The following ALPK1 variants were observed in gnomAD, a reference collection of about 807,000 sequenced individuals.
ALPK1 encodes alpha-protein kinase 1.
A neutral mutation model predicts 120.6 loss-of-function variants in ALPK1; 110 were observed. The observed-to-expected ratio is 0.91, with a 90% confidence interval of 0.78 to 1.07. The LOEUF (loss-of-function observed/expected upper bound fraction) is 1.07. Among genes scored for constraint, ALPK1 ranks in the 50% least tolerant of loss-of-function variants. The probability of loss-of-function intolerance (pLI) is 0.00; values close to 1 mark genes in which losing one functional copy is unlikely to be tolerated. For missense variants in ALPK1, 1,498 were observed against 1,483.9 expected (o/e 1.01, Z -0.16); for synonymous variants, 582 against 560.3 (o/e 1.04, Z -0.55).
At chr4:112,348,648 C>T (rs1730197741) in intron 2 of ALPK1, among the ~76,000 whole-genome samples, 1 of 152,226 alleles carries the variant, frequency 6.6e-6, no homozygotes, top group Admixed American at 6.5e-5. Context: ...CATCTCCCTG[C>T]CACTTGAGGA....
intron 2 of ALPK1, among the ~76,000 whole-genome samples, chr4:112,336,637 T>C (rs1013203920): frequency 6.6e-6 from 1 of 152,230 alleles, no homozygotes; most frequent in Non-Finnish European, 1.5e-5. Flanking sequence ...TTATTAAATA[T>C]GTACTTGGCA....
intron 3 of ALPK1, 47 bp from the exon 4 acceptor site, chr4:112,382,351 C>G: frequency 6.4e-7 from 1 of 1,555,296 alleles, no homozygotes; most frequent in African/African-American, 1.4e-5. Context: ...AGCTCAACAG[C>G]CTTTTCTTTG....
chr4:112,437,405 T>C (rs1054704170), intron 12 of ALPK1, among the ~76,000 whole-genome samples: 2 of 152,204 alleles, frequency 1.3e-5, no homozygotes, highest in Non-Finnish European at 2.9e-5. Context: ...TATGGACTTC[T>C]GTTCTCAGAT....
At chr4:112,331,642 G>A (rs1394230293) in intron 2 of ALPK1, among the ~76,000 whole-genome samples, 2 of 152,208 alleles carry the variant, frequency 1.3e-5, no homozygotes, top group East Asian at 1.9e-4. Context: ...ATAAACATCA[G>A]TAAATCAGCC....
At chr4:112,363,041 G>A (rs1291717525) in intron 2 of ALPK1, among the ~76,000 whole-genome samples, 1 of 152,226 alleles carries the variant, frequency 6.6e-6, no homozygotes, top group Non-Finnish European at 1.5e-5. Flanking sequence ...AATGCTGAGA[G>A]AATTTGCCAC....
intron 2 of ALPK1, chr4:112,356,627 G>T: frequency 2.5e-6 from 2 of 793,202 alleles, no homozygotes; most frequent in Non-Finnish European, 4.5e-6. Context: ...GCCGCAAGAA[G>T]ATGGCAAGTC....
chr4:112,298,447 C>T lies in ALPK1; in HGVS notation c.-153+978C>T, dbSNP rs111582741. The stretch of plus-strand genomic sequence containing the variant: ...AAACAATTTACTTCTCTCTTCCCAC[C>T]TCCTTCCCACCCCATCAACCTCAAG... On this transcript the variant is annotated intron_variant, in intron 1 of 15. Coordinates refer to ENST00000650871, the MANE Select transcript of ALPK1 (RefSeq NM_025144.4). Among the ~76,000 whole-genome samples the T allele has an allele frequency of 1.8e-3, 272 of 152,192 alleles. 3 individuals carry two copies. The highest frequency in any genetic ancestry group is 6.4e-3 in the African/African-American group (265 of 41,528).
At chr4:112,418,953 A>G (rs1393673845) in intron 5 of ALPK1, among the ~76,000 whole-genome samples, 1 of 152,234 alleles carries the variant, frequency 6.6e-6, no homozygotes, top group Non-Finnish European at 1.5e-5. Flanking sequence ...TAAAAGGTAT[A>G]AAGGCTAGAA....
At position 112,411,988 on chromosome 4, in the gene ALPK1, G is replaced by A. The variant is rs775042131; in HGVS notation, c.438G>A (p.Gln146=). ...AGCCAGCCACGCCAATTGCCCCGCA[G>A]GTGGTTATTCGCCAAGCCCGAATCT... ...KLQPATPIAP[Q]VVIRQARISV... Residue 146 remains glutamine (Q), a synonymous_variant, in exon 5 of 16, where the codon CAG becomes CAA. Transcript: ENST00000650871. 2 of 1,614,174 alleles carry A rather than the reference G, an allele frequency of 1.2e-6. No individual in the cohort carries two copies. Among genetic ancestry groups the A allele is most frequent in the East Asian group, 2.2e-5 (1 of 44,878 alleles).
At chr4:112,363,413 T>C (rs1183737946) in intron 2 of ALPK1, among the ~76,000 whole-genome samples, 1 of 152,162 alleles carries the variant, frequency 6.6e-6, no homozygotes, top group Non-Finnish European at 1.5e-5. Flanking sequence ...GCTATTCATG[T>C]ATTAGACAAA....
intron 2 of ALPK1, among the ~76,000 whole-genome samples, chr4:112,341,203 T>C (rs1169955441): frequency 6.6e-6 from 1 of 152,194 alleles, no homozygotes; most frequent in East Asian, 1.9e-4. Context: ...CATGAAAGCG[T>C]GTTCTTTCCA....
At chr4:112,399,364 T>C (rs1197001596) in intron 4 of ALPK1, among the ~76,000 whole-genome samples, 4 of 152,272 alleles carry the variant, frequency 2.6e-5, no homozygotes, top group Non-Finnish European at 5.9e-5. Context: ...TTGAATAATA[T>C]GAGAATAAAT....
chr4:112,347,479 C>G (rs1730150181), intron 2 of ALPK1, among the ~76,000 whole-genome samples: 1 of 152,212 alleles, frequency 6.6e-6, no homozygotes, highest in Non-Finnish European at 1.5e-5. Flanking sequence ...AATACCTTTT[C>G]TTCTAAGTAG....
chr4:112,382,269 G>A (rs1013080579), intron 3 of ALPK1, 129 bp from the exon 4 acceptor site: 14 of 1,116,636 alleles, frequency 1.3e-5, no homozygotes, highest in Admixed American at 5.7e-5. Flanking sequence ...GCCAGCAAGA[G>A]GCAGGGAAAA....
intron 4 of ALPK1, among the ~76,000 whole-genome samples, chr4:112,388,734 A>G (rs1485236802): frequency 6.6e-6 from 1 of 152,214 alleles, no homozygotes; most frequent in African/African-American, 2.4e-5. Flanking sequence ...AAAGAAGTGC[A>G]GAAGAAAGAG....
intron 4 of ALPK1, among the ~76,000 whole-genome samples, chr4:112,390,238 T>C (rs976499904): frequency 1.1e-4 from 17 of 152,222 alleles, no homozygotes; most frequent in African/African-American, 3.9e-4. Flanking sequence ...GATTATTCCA[T>C]GCACATAGCT....
At chr4:112,373,485 T>C (rs1731508745) in intron 2 of ALPK1, among the ~76,000 whole-genome samples, 1 of 152,212 alleles carries the variant, frequency 6.6e-6, no homozygotes, top group Non-Finnish European at 1.5e-5. Flanking sequence ...CATGCAGAAA[T>C]ACCTTTTTGA....
chr4:112,357,304 G>A, intron 2 of ALPK1: 1 of 970,266 alleles, frequency 1.0e-6, no homozygotes, highest in Non-Finnish European at 1.6e-6. Context: ...TGCAGAAGCT[G>A]GCGGATATTG....
chr4:112,377,752 G>C lies in ALPK1; in HGVS notation c.-26G>C. On this transcript the variant is annotated 5_prime_UTR_variant, in exon 3 of 16. Coordinates refer to ENST00000650871, the MANE Select transcript of ALPK1 (RefSeq NM_025144.4). ...TAGGTAATTGATCACCCTAGACCCA[G>C]GGACACCCAATTCATCGTAATCATC... The C allele has an allele frequency of 6.3e-7, 1 of 1,596,306 alleles. No homozygotes were observed. The highest frequency in any genetic ancestry group is 1.7e-5 in the Admixed American group (1 of 59,410).
Sources: gnomAD v4.1 joint callset for allele counts (sites outside exome capture counted in the v4.1 genomes callset) on GRCh38, gnomAD v4.1.1 for gene constraint, MANE v1.5 for transcripts, NCBI Gene and HGNC (gene_info 2026-07-23, HGNC 2026-07-21) for gene names.